The following RARB variants were observed in gnomAD, a reference collection of about 807,000 sequenced individuals.
RARB encodes HBV-activated protein.
A neutral mutation model predicts 51.9 loss-of-function variants in RARB; 17 were observed. The ratio of observed to expected loss-of-function variants is 0.33; its 90% confidence interval spans 0.22 to 0.49. The LOEUF (loss-of-function observed/expected upper bound fraction) is 0.49. Among genes scored for constraint, RARB ranks in the 20% least tolerant of loss-of-function variants. The pLI, the probability that RARB is intolerant of heterozygous loss-of-function variation, is 0.99. For synonymous variants in RARB, 215 were observed against 195.4 expected, an observed-to-expected ratio of 1.10 and a Z score of -0.84; for missense variants, 369 against 550.8, an observed-to-expected ratio of 0.67 and a Z score of 3.30.
chr3:24,931,235 AAT>A (rs1445982347), intron 2 of RARB, among the ~76,000 whole-genome samples: 1 of 152,064 alleles, frequency 6.6e-6, no homozygotes, highest in African/African-American at 2.4e-5. Flanking sequence ...ATTTTTTAAA[AAT>A]ATGTTTTAAA....
At chr3:25,041,457 G>A (rs1698112869) in intron 2 of RARB, among the ~76,000 whole-genome samples, 3 of 151,246 alleles carry the variant, frequency 2.0e-5, no homozygotes, top group Admixed American at 1.3e-4. Flanking sequence ...TCCCCTAACT[G>A]CAATAACTGG....
intron 3 of RARB, among the ~76,000 whole-genome samples, chr3:25,116,951 AT>A (rs1699697252): frequency 1.3e-5 from 2 of 152,286 alleles, no homozygotes; most frequent in Admixed American, 1.3e-4. Flanking sequence ...AGCAAATATA[AT>A]TTTTTAACAT....
chr3:24,883,019 G>A (rs554262553), intron 2 of RARB, among the ~76,000 whole-genome samples: 9 of 152,110 alleles, frequency 5.9e-5, no homozygotes, highest in Non-Finnish European at 8.8e-5. Context: ...GCACTAAGGG[G>A]AGCTGAAGCT....
At chr3:24,906,186 G>A (rs1414869819) in intron 2 of RARB, among the ~76,000 whole-genome samples, 1 of 152,144 alleles carries the variant, frequency 6.6e-6, no homozygotes, top group African/African-American at 2.4e-5. Context: ...TTTGGTTTTA[G>A]AAAGCTTGCT....
At chr3:25,045,981 G>C (rs984524602) in intron 2 of RARB, among the ~76,000 whole-genome samples, 2 of 152,200 alleles carry the variant, frequency 1.3e-5, no homozygotes, top group African/African-American at 4.8e-5. Context: ...TCAATAGCTT[G>C]GATAAATATG....
intron 5 of RARB, among the ~76,000 whole-genome samples, chr3:25,239,625 A>C (rs528598137): frequency 1.3e-5 from 2 of 152,096 alleles, no homozygotes; most frequent in Non-Finnish European, 2.9e-5. Flanking sequence ...ACATAGATTT[A>C]TTTCTGGGTC....
intron 2 of RARB, among the ~76,000 whole-genome samples, chr3:25,041,782 A>G (rs552783197): frequency 1.2e-3 from 178 of 152,294 alleles, no homozygotes; most frequent in Non-Finnish European, 1.9e-3. Flanking sequence ...AAATATATAA[A>G]TAATTGAGAA....
At chr3:25,073,638 T>A (rs1390015598) in intron 3 of RARB, among the ~76,000 whole-genome samples, 1 of 152,352 alleles carries the variant, frequency 6.6e-6, no homozygotes, top group Non-Finnish European at 1.5e-5. Context: ...CAAAGTACTT[T>A]AGAAAACCAT....
At chr3:24,956,185 A>G (rs1336632589) in intron 2 of RARB, among the ~76,000 whole-genome samples, 16 of 152,082 alleles carry the variant, frequency 1.1e-4, no homozygotes, top group Admixed American at 5.9e-4. Context: ...TTGGGTAATC[A>G]TTTTCTGTGC....
chr3:25,360,268 G>A (rs1167628639), intron 5 of RARB, among the ~76,000 whole-genome samples: 1 of 152,136 alleles, frequency 6.6e-6, no homozygotes, highest in Non-Finnish European at 1.5e-5. Flanking sequence ...TTGGTTTAAA[G>A]TCTGTTTTAT....
At chr3:25,355,897 C>A (rs903568398) in intron 5 of RARB, among the ~76,000 whole-genome samples, 1 of 151,444 alleles carries the variant, frequency 6.6e-6, no homozygotes, top group African/African-American at 2.4e-5. Flanking sequence ...TTATGGGATG[C>A]GTCTATAATG....
chr3:25,501,234 A>T lies in RARB; in HGVS notation c.359A>T (p.Asp120Val). 6.2e-7 allele frequency: 1 copy of T among 1,611,084 alleles called. No homozygotes were observed. Among genetic ancestry groups the T allele is most frequent in the Non-Finnish European group, 8.5e-7 (1 of 1,179,120 alleles). The change falls in exon 3 of 8, where the codon GAT becomes GTT. Residue 120 changes from aspartate (D) to valine (V), a missense_variant. Transcript: ENST00000330688. Reference sequence around the variant, plus strand: ...AATATGATTTACACTTGTCACCGAGATAAGAACTGTGTTATTAATAAAGTC... The same window carrying T: ...AATATGATTTACACTTGTCACCGAGTTAAGAACTGTGTTATTAATAAAGTC... ...QKNMIYTCHR[D>V]KNCVINKVTR...
At chr3:24,995,211 G>T (rs1403866566) in intron 2 of RARB, among the ~76,000 whole-genome samples, 2 of 134,478 alleles carry the variant, frequency 1.5e-5, no homozygotes, top group Non-Finnish European at 1.6e-5. Flanking sequence ...TCACCTCCTT[G>T]GTTAAAGTTA....
At chr3:25,374,707 A>G (rs1034314607) in intron 5 of RARB, among the ~76,000 whole-genome samples, 4 of 152,122 alleles carry the variant, frequency 2.6e-5, no homozygotes, top group African/African-American at 9.7e-5. Flanking sequence ...TAGATCATAG[A>G]TCTAGAAGGG....
At chr3:24,974,099 GC>G (rs1696458654) in intron 2 of RARB, among the ~76,000 whole-genome samples, 1 of 151,838 alleles carries the variant, frequency 6.6e-6, no homozygotes, top group Admixed American at 6.6e-5. Flanking sequence ...GTCATATATG[GC>G]CCTTATTATT....
In RARB at chr3:25,501,256, A is replaced by T. The variant is rs758726288; in HGVS notation, c.381A>T (p.Lys127Asn). 2.5e-6 allele frequency: 4 copies of T among 1,612,554 alleles called. No homozygotes were observed. The highest frequency in any genetic ancestry group is 1.7e-5 in the Admixed American group (1 of 59,700). ...CHRDKNCVIN[K>N]VTRNRCQYCR... The stretch of plus-strand genomic sequence containing the variant: ...GAGATAAGAACTGTGTTATTAATAA[A>T]GTCACCAGGAATCGATGCCAATACT... The change falls in exon 3 of 8, where the codon AAA becomes AAT. Residue 127 changes from lysine to asparagine, a missense_variant. By Grantham distance (94) the Lys-to-Asn change is moderately conservative. Around this residue, in one of 9 missense-constraint regions of RARB, gnomAD observed 26 missense variants for 28.8 expected, o/e 0.90. Transcript: ENST00000330688.
chr3:25,126,519 C>T (rs1171735391), intron 3 of RARB, among the ~76,000 whole-genome samples: 2 of 151,974 alleles, frequency 1.3e-5, no homozygotes, highest in East Asian at 1.9e-4. Flanking sequence ...GGATACGCTT[C>T]CAGTCTGCTA....
intron 2 of RARB, among the ~76,000 whole-genome samples, chr3:24,928,942 AAAAG>A (rs1201509473): frequency 2.6e-5 from 4 of 152,186 alleles, no homozygotes; most frequent in African/African-American, 7.2e-5. Context: ...TTTGAAACAG[AAAAG>A]AAAGAGAATA....
At chr3:24,998,277 G>GTTTTTTT (rs71622792) in intron 2 of RARB, among the ~76,000 whole-genome samples, 2 of 140,482 alleles carry the variant, frequency 1.4e-5, no homozygotes, top group Non-Finnish European at 3.1e-5. Context: ...CTTGTAGTTT[G>GTTTTTTT]TTTTTTTTTT....
Sources: gnomAD v4.1 joint callset for allele counts (sites outside exome capture counted in the v4.1 genomes callset) on GRCh38, gnomAD v4.1.1 for gene constraint, gnomAD v4.1.1 regional missense constraint, MANE v1.5 for transcripts, NCBI Gene and HGNC (gene_info 2026-07-23, HGNC 2026-07-21) for gene names.